Variants in MYCBP2 observed in about 807,000 individuals in gnomAD.
The protein encoded by MYCBP2 is MYC binding protein 2.
A neutral mutation model predicts 525.3 loss-of-function variants in MYCBP2; 120 were observed. The observed-to-expected ratio is 0.23, with a 90% confidence interval of 0.20 to 0.27. The LOEUF (loss-of-function observed/expected upper bound fraction) is 0.27. MYCBP2 is among the 10% of genes least tolerant of loss of function. The pLI, the probability that MYCBP2 is intolerant of heterozygous loss-of-function variation, is 1.00. For missense variants in MYCBP2, 4,149 were observed against 5,657.1 expected, an observed-to-expected ratio of 0.73 and a Z score of 8.55; for synonymous variants, 1,894 against 1,955.8, an observed-to-expected ratio of 0.97 and a Z score of 0.83.
intron 4 of MYCBP2, among the ~76,000 whole-genome samples, chr13:77,277,497 A>G (rs2154350205): frequency 6.6e-6 from 1 of 152,318 alleles, no homozygotes; most frequent in Admixed American, 6.5e-5. Context: ...GTCAAACACA[A>G]TAACTGAGTC....
chr13:77,061,282 T>G lies in MYCBP2; in HGVS notation c.12923A>C (p.Glu4308Ala), dbSNP rs1159612715. The G allele has an allele frequency of 3.8e-6, 6 of 1,594,424 alleles. No homozygotes were observed. The highest frequency in any genetic ancestry group is 5.1e-6 in the Non-Finnish European group (6 of 1,169,494). The part of the protein sequence containing the change: ...HQRQVFKEEE[E>A]AIKVDLHEGC... ...TTCATGAAGGTCAACCTTTATAGCT[T>G]CTTCTTCTTCTTTGAAGACCTATTA... The change falls in exon 76 of 83, where the codon GAA (glutamate) becomes GCA (alanine). Residue 4308 changes from glutamate (E) to alanine (A), a missense_variant. This residue lies in a region of MYCBP2 where 220 missense variants were observed against 396.0 expected (regional missense o/e 0.56). Transcript: ENST00000544440.
Position 77,122,798 on chromosome 13 carries a change from C to T in MYCBP2, c.8018-1303G>A, listed in dbSNP as rs138202943. 3.3e-5 allele frequency among the ~76,000 whole-genome samples: 5 copies of T among 151,990 alleles called. No individual in the cohort carries two copies. In the East Asian group the frequency reaches 9.7e-4, roughly 29 times the overall value. On this transcript the variant is annotated intron_variant, in intron 54 of 82. Transcript: ENST00000544440. ...ACCTGTAAATTGCAATTCTGCTAAA[C>T]CAGTGGTACTGTATAATCTATCCCT...
At chr13:77,259,052 C>A (rs565183908) in intron 13 of MYCBP2, among the ~76,000 whole-genome samples, 6 of 151,984 alleles carry the variant, frequency 3.9e-5, no homozygotes, top group African/African-American at 1.5e-4. Context: ...GTCAGGAGTT[C>A]GAGACCAGCC....
chr13:77,233,519 T>C (rs2067430081), intron 17 of MYCBP2, among the ~76,000 whole-genome samples: 2 of 151,786 alleles, frequency 1.3e-5, no homozygotes, highest in African/African-American at 2.4e-5. Context: ...AATTATTGTG[T>C]AGTTACTAAT....
At chr13:77,301,360 G>A (rs1334837570) in intron 1 of MYCBP2, among the ~76,000 whole-genome samples, 2 of 142,286 alleles carry the variant, frequency 1.4e-5, no homozygotes, top group South Asian at 2.3e-4. Flanking sequence ...AGGTTGTGAC[G>A]AGCCAAGAGC....
intron 18 of MYCBP2, among the ~76,000 whole-genome samples, chr13:77,226,663 A>C (rs1360743060): frequency 6.6e-6 from 1 of 152,186 alleles, no homozygotes; most frequent in Non-Finnish European, 1.5e-5. Context: ...AATAATATTA[A>C]ATCATTTTGT....
Position 77,079,059 on chromosome 13 carries a change from T to C in MYCBP2, c.11419-170A>G, listed in dbSNP as rs575650163. Among the ~76,000 whole-genome samples, 34 of 152,208 alleles carry C rather than the reference T, an allele frequency of 2.2e-4. No homozygotes were observed. In the East Asian group the frequency reaches 6.0e-3, roughly 27 times the overall value. On this transcript the variant is annotated intron_variant, in intron 65 of 82. Coordinates refer to ENST00000544440, the MANE Select transcript of MYCBP2 (RefSeq NM_015057.5). ...CTAACCACGGTTCCTATAACTTTAG[T>C]CTCATTCTCACAAACTCCATCTTAA... is the stretch of plus-strand genomic sequence containing the variant.
At chr13:77,201,370 C>T (rs1274717782) in intron 26 of MYCBP2, among the ~76,000 whole-genome samples, 1 of 150,476 alleles carries the variant, frequency 6.6e-6, no homozygotes, top group Non-Finnish European at 1.5e-5. Context: ...GCACCCAATA[C>T]AGGAGCACCC....
chr13:77,063,003 A>C (rs2039578648), intron 73 of MYCBP2, among the ~76,000 whole-genome samples: 1 of 152,210 alleles, frequency 6.6e-6, no homozygotes, highest in Non-Finnish European at 1.5e-5. Flanking sequence ...CATATGAATA[A>C]ATGAATTGGC....
At chr13:77,091,437 A>C (rs2045407441) in intron 59 of MYCBP2, among the ~76,000 whole-genome samples, 1 of 152,138 alleles carries the variant, frequency 6.6e-6, no homozygotes, top group African/African-American at 2.4e-5. Context: ...ACCAAAAAAA[A>C]AAAAAAATTG....
intron 46 of MYCBP2, among the ~76,000 whole-genome samples, chr13:77,155,578 T>C (rs1457929774): frequency 6.6e-6 from 1 of 152,198 alleles, no homozygotes; most frequent in East Asian, 1.9e-4. Flanking sequence ...TTCATCAATA[T>C]GGTATACAAC....
In MYCBP2 at chr13:77,180,202, G is replaced by T. The variant is rs765741761; in HGVS notation, c.5058C>A (p.Ser1686=). ...ATCCACAGGTGTTAGAGACGAGGTG[G>T]GAGGAGAAGAGTTCATTTTCTCTCC... The part of the protein sequence containing the change: ...SLRRENELFS[S]HLVSNTCGLL... Residue 1686 remains serine (S), a synonymous_variant, in exon 34 of 83, where the codon TCC becomes TCA. Coordinates refer to ENST00000544440, the MANE Select transcript of MYCBP2 (RefSeq NM_015057.5). 1.2e-6 allele frequency: 2 copies of T among 1,614,042 alleles called. No individual in the cohort carries two copies. The highest frequency in any genetic ancestry group is 2.7e-5 in the African/African-American group (2 of 75,024).
chr13:77,099,077 C>T lies in MYCBP2; in HGVS notation c.8141-64G>A, dbSNP rs1186213757. The T allele has an allele frequency of 3.8e-6, 6 of 1,568,828 alleles. No individual in the cohort carries two copies. In the African/African-American group the frequency reaches 6.8e-5, roughly 18 times the overall value. ...TTATAACTTACTGATAATTTAGCCACTAAACACTGAAATAAAAAAACATAG... is the reference window on the plus strand; with the variant it reads ...TTATAACTTACTGATAATTTAGCCATTAAACACTGAAATAAAAAAACATAG... On this transcript the variant is annotated intron_variant, in intron 55 of 82. Coordinates refer to ENST00000544440, the MANE Select transcript of MYCBP2 (RefSeq NM_015057.5).
In MYCBP2 at chr13:77,275,649, C is replaced by A. The variant is rs561325724; in HGVS notation, c.749-1981G>T. Among the ~76,000 whole-genome samples the A allele has an allele frequency of 3.1e-4, 47 of 152,052 alleles. No homozygotes were observed. In the South Asian group the frequency reaches 9.6e-3, roughly 31 times the overall value. ...GCTACCCTGGGCAATATAGTAAGAT[C>A]CTGTCCCTAAAGATAAATAAATAAA... On this transcript the variant is annotated intron_variant, in intron 4 of 82. Transcript: ENST00000544440.
intron 49 of MYCBP2, among the ~76,000 whole-genome samples, chr13:77,143,383 T>C: frequency 6.6e-6 from 1 of 152,170 alleles, no homozygotes; most frequent in East Asian, 1.9e-4. Context: ...TTCTATTTTT[T>C]GGAGCTTGGA....
At chr13:77,276,816 G>GTTTTTTTTTTTTTTTTTT (rs397851660) in intron 4 of MYCBP2, among the ~76,000 whole-genome samples, 9 of 76,218 alleles carry the variant, frequency 1.2e-4, no homozygotes, top group African/African-American at 4.0e-4. Flanking sequence ...TCCATGCCCA[G>GTTTTTTTTTTTTTTTTTT]TTTTTTTTTT....
At chr13:77,303,417 C>T (rs1431910248) in intron 1 of MYCBP2, among the ~76,000 whole-genome samples, 1 of 152,128 alleles carries the variant, frequency 6.6e-6, no homozygotes, top group Non-Finnish European at 1.5e-5. Flanking sequence ...CAATAGAATA[C>T]ATATTCTTTT....
intron 10 of MYCBP2, among the ~76,000 whole-genome samples, chr13:77,263,288 A>G (rs2073606183): frequency 6.6e-6 from 1 of 152,060 alleles, no homozygotes; most frequent in Non-Finnish European, 1.5e-5. Context: ...AATAACATTT[A>G]CAACGTAAGT....
chr13:77,273,515 G>C lies in MYCBP2; in HGVS notation c.902C>G (p.Ala301Gly). 1 of 1,610,402 alleles carries C rather than the reference G, an allele frequency of 6.2e-7. No individual in the cohort carries two copies. The highest frequency in any genetic ancestry group is 1.1e-5 in the South Asian group (1 of 90,376). The part of the protein sequence containing the change: ...ETGRTLQAIS[A>G]ILTNNGSHAC... Reference sequence around the variant, plus strand: ...ATGGCTTCCATTGTTGGTGAGGATAGCAGAGATGGCCTGAAGTGTCCTTCC... The same window carrying C: ...ATGGCTTCCATTGTTGGTGAGGATACCAGAGATGGCCTGAAGTGTCCTTCC... Residue 301 changes from alanine to glycine, a missense_variant, in exon 5 of 83, where the codon GCT (alanine) becomes GGT (glycine). Ala to Gly is a moderately conservative substitution (Grantham distance 60). This residue lies in a region of MYCBP2 where 413 missense variants were observed against 451.2 expected (regional missense o/e 0.92). Coordinates refer to ENST00000544440, the MANE Select transcript of MYCBP2 (RefSeq NM_015057.5).
Sources: gnomAD v4.1 joint callset for allele counts (sites outside exome capture counted in the v4.1 genomes callset) on GRCh38, gnomAD v4.1.1 for gene constraint, gnomAD v4.1.1 regional missense constraint, MANE v1.5 for transcripts, NCBI Gene and HGNC (gene_info 2026-07-23, HGNC 2026-07-21) for gene names.